The following HS6ST2 variants were observed in gnomAD, a reference collection of about 807,000 sequenced individuals.
The protein encoded by HS6ST2 is heparan-sulfate 6-O-sulfotransferase 2.
A neutral mutation model predicts 33.0 loss-of-function variants in HS6ST2; 17 were observed. The observed-to-expected ratio is 0.52, with a 90% CI of 0.35 to 0.77. The LOEUF (loss-of-function observed/expected upper bound fraction) is 0.77. Ranked by LOEUF, HS6ST2 falls within the 30% of genes least tolerant of loss-of-function variation. The pLI, the probability that HS6ST2 is intolerant of heterozygous loss-of-function variation, is 0.01. For synonymous variants in HS6ST2, 248 were observed against 237.1 expected (o/e 1.05, Z -0.42); for missense variants, 519 against 551.7 (o/e 0.94, Z 0.59).
rs1284392555 is a variant in HS6ST2 at position 132,836,172 on chromosome X, C to T, written c.947+120636G>A. Among the ~76,000 whole-genome samples, 3 of 111,334 alleles carry T rather than the reference C, an allele frequency of 2.7e-5. No individual in the cohort carries two copies. The Admixed American group carries it at 2.9e-4, about 11-fold the overall frequency. On this transcript the variant is annotated intron_variant, in intron 2 of 4. Transcript: ENST00000370833. ...AGATGCCCATAGTACTTTCTTCCCC[C>T]AGCAGTTTAAAACTTTTATTGAGCA... is the stretch of plus-strand genomic sequence containing the variant.
intron 2 of HS6ST2, among the ~76,000 whole-genome samples, chrX:132,763,205 G>A (rs2064818017): frequency 8.9e-6 from 1 of 111,839 alleles, no homozygotes; most frequent in Admixed American, 9.5e-5. Flanking sequence ...GTGGCTTGTG[G>A]GGTCAGGGAT....
intron 2 of HS6ST2, among the ~76,000 whole-genome samples, chrX:132,823,853 A>AAATAATAATAATAATAATAATAAT (rs34008866): frequency 3.2e-5 from 3 of 92,516 alleles, no homozygotes; most frequent in South Asian, 5.2e-4. Context: ...ACTTCATAAA[A>AAATAATAATAATAATAATAATAAT]AATAATAATA....
chrX:132,754,418 C>CA (rs1556430088), intron 2 of HS6ST2, among the ~76,000 whole-genome samples: 1 of 96,713 alleles, frequency 1.0e-5, no homozygotes, highest in African/African-American at 3.7e-5. Flanking sequence ...CCATACTGCA[C>CA]TTTTTTTTTT....
chrX:132,655,608 C>G (rs1317028244), intron 4 of HS6ST2, among the ~76,000 whole-genome samples: 3 of 110,554 alleles, frequency 2.7e-5, no homozygotes, highest in Non-Finnish European at 5.7e-5. Flanking sequence ...TTGAAGGACA[C>G]AGGTTATTCA....
intron 2 of HS6ST2, among the ~76,000 whole-genome samples, chrX:132,812,146 C>G (rs954528419): frequency 1.8e-5 from 2 of 109,561 alleles, no homozygotes; most frequent in Non-Finnish European, 3.8e-5. Flanking sequence ...GTGGTTCACA[C>G]CTGTAATCCC....
chrX:132,758,178 C>T (rs948851629), intron 2 of HS6ST2: 1 of 112,364 alleles, frequency 8.9e-6, no homozygotes, highest in Non-Finnish European at 1.9e-5. Flanking sequence ...TTTTCAGTCA[C>T]GGATAATGGC....
intron 3 of HS6ST2, among the ~76,000 whole-genome samples, chrX:132,688,063 T>A (rs1405325165): frequency 8.9e-6 from 1 of 112,433 alleles, no homozygotes; most frequent in Non-Finnish European, 1.9e-5. Context: ...TTTCTGACAA[T>A]CCTCATACAA....
rs1280140025 is a variant in HS6ST2, at chrX:132,651,153, A to G, written c.1067+17960T>C. Among the ~76,000 whole-genome samples the G allele has an allele frequency of 5.3e-5, 6 of 112,208 alleles. 1 individual carries two copies. The South Asian group carries it at 1.9e-3, about 35-fold the overall frequency. ...TCCTTTGAACATTAGAACAACTAAC[A>G]TATGTATTAAGCCTCTAGTACTCAC... is the stretch of plus-strand genomic sequence containing the variant. On this transcript the variant is annotated intron_variant, in intron 4 of 4. Coordinates refer to ENST00000370833, the MANE Select transcript of HS6ST2 (RefSeq NM_001394073.1).
chrX:132,819,139 G>T (rs148057076), intron 2 of HS6ST2, among the ~76,000 whole-genome samples: 1 of 110,366 alleles, frequency 9.1e-6, no homozygotes, highest in South Asian at 3.9e-4. Flanking sequence ...GAGAACCAAC[G>T]CGCAATGGGT....
chrX:132,736,254 T>C (rs923127554), intron 2 of HS6ST2, among the ~76,000 whole-genome samples: 3 of 111,475 alleles, frequency 2.7e-5, no homozygotes, highest in Non-Finnish European at 3.8e-5. Context: ...AAGAGTATCA[T>C]TGAAAGCATC....
intron 2 of HS6ST2, among the ~76,000 whole-genome samples, chrX:132,759,873 G>A (rs1048737006): frequency 1.9e-4 from 21 of 111,706 alleles, no homozygotes; most frequent in Admixed American, 1.4e-3. Flanking sequence ...TAAATTACAT[G>A]CCCTATTTCA....
intron 3 of HS6ST2, among the ~76,000 whole-genome samples, chrX:132,673,968 A>AT (rs1387960518): frequency 1.8e-5 from 2 of 111,436 alleles, no homozygotes; most frequent in Non-Finnish European, 3.8e-5. Flanking sequence ...TTCGCATTTC[A>AT]TTTTTTTCTA....
At position 132,679,346 on chromosome X, in the gene HS6ST2, G is replaced by C. The variant is rs183756888; in HGVS notation, c.981-10147C>G. Among the ~76,000 whole-genome samples, 14 of 111,831 alleles carry C rather than the reference G, an allele frequency of 1.3e-4. No individual in the cohort carries two copies. The East Asian group carries it at 3.7e-3, about 29-fold the overall frequency. ...GAGTACAAAAGAGAGACATTTTAAG[G>C]CTGGGCATCTGGGGGAGACATCACA... On this transcript the variant is annotated intron_variant, in intron 3 of 4. Coordinates refer to ENST00000370833, the MANE Select transcript of HS6ST2 (RefSeq NM_001394073.1).
At chrX:132,734,044 C>T (rs1380278575) in intron 2 of HS6ST2, among the ~76,000 whole-genome samples, 1 of 100,052 alleles carries the variant, frequency 1.0e-5, no homozygotes, top group Non-Finnish European at 2.0e-5. Context: ...CTCAGCTTAA[C>T]TACTAATCCT....
At chrX:132,900,533 T>C (rs190127432) in intron 2 of HS6ST2, among the ~76,000 whole-genome samples, 139 of 110,917 alleles carry the variant, frequency 1.3e-3, no homozygotes, top group Non-Finnish European at 2.3e-3. Context: ...CTAGGCAACA[T>C]AGCAAGACCC....
At chrX:132,822,175 G>A (rs2065466855) in intron 2 of HS6ST2, among the ~76,000 whole-genome samples, 3 of 111,417 alleles carry the variant, frequency 2.7e-5, no homozygotes, top group Non-Finnish European at 5.7e-5. Flanking sequence ...GTTAATAAGT[G>A]GTAAAGATGC....
intron 2 of HS6ST2, among the ~76,000 whole-genome samples, chrX:132,947,400 A>T (rs925792859): frequency 9.0e-6 from 1 of 110,529 alleles, no homozygotes; most frequent in Non-Finnish European, 1.9e-5. Context: ...AGATTTTATA[A>T]TTTCTGCTTT....
chrX:132,880,403 G>T (rs765481028), intron 2 of HS6ST2, among the ~76,000 whole-genome samples: 1 of 109,069 alleles, frequency 9.2e-6, no homozygotes, highest in South Asian at 4.1e-4. Flanking sequence ...GGGCGTGGTG[G>T]CATGCACCTG....
At chrX:132,755,253 T>C (rs1414694584) in intron 2 of HS6ST2, among the ~76,000 whole-genome samples, 1 of 112,407 alleles carries the variant, frequency 8.9e-6, no homozygotes, top group Non-Finnish European at 1.9e-5. Context: ...CAAGTTTTTA[T>C]ACCTTTGGCT....
Sources: gnomAD v4.1 joint callset for allele counts (sites outside exome capture counted in the v4.1 genomes callset) on GRCh38, gnomAD v4.1.1 for gene constraint, MANE v1.5 for transcripts, NCBI Gene and HGNC (gene_info 2026-07-23, HGNC 2026-07-21) for gene names.